The following ANKRD18B variants were observed in gnomAD, a reference collection of about 807,000 sequenced individuals.
The protein encoded by ANKRD18B is ankyrin repeat domain 18B.
Under a neutral mutation model 111.8 loss-of-function variants are expected in ANKRD18B, and 75 were observed. The ratio of observed to expected loss-of-function variants is 0.67; its 90% CI spans 0.56 to 0.81. The LOEUF (loss-of-function observed/expected upper bound fraction) is 0.81. ANKRD18B is among the 40% of genes least tolerant of loss of function. ANKRD18B has a pLI of 0.00. For synonymous variants in ANKRD18B, 356 were observed against 417.3 expected, an observed-to-expected ratio of 0.85 and a Z score of 1.79; for missense variants, 1,038 against 1,225.5, an observed-to-expected ratio of 0.85 and a Z score of 2.28.
intron 15 of ANKRD18B, 104 bp downstream of exon 15, chr9:33,566,604 T>A: frequency 7.3e-7 from 1 of 1,367,146 alleles, no homozygotes; most frequent in Non-Finnish European, 9.8e-7. Context: ...CTGCCTCTCT[T>A]ACGGCAATTT....
chr9:33,552,915 G>A (rs1828467756), intron 12 of ANKRD18B, among the ~76,000 whole-genome samples: 1 of 152,156 alleles, frequency 6.6e-6, no homozygotes, highest in African/African-American at 2.4e-5. Flanking sequence ...ACATCCCAGT[G>A]AAGTAGATGG....
Position 33,548,185 on chromosome 9 carries a change from A to G in ANKRD18B, c.1397A>G (p.Lys466Arg), listed in dbSNP as rs1828389711. Residue 466 changes from lysine to arginine, a missense_variant, in exon 11 of 19, where the codon AAA (lysine) becomes AGA (arginine). Physicochemically the swap from Lys to Arg is conservative, Grantham distance 26 (BLOSUM62 2). Transcript: ENST00000684830. Reference protein sequence around the residue: ...AQYSQQLNDLKAENARLNSKL... With the variant: ...AQYSQQLNDLRAENARLNSKL... Reference sequence around the variant, plus strand: ...TATTCGCAACAGCTTAATGATCTGAAAGCTGAGAATGCAAGGCTGAATTCA... The same window carrying G: ...TATTCGCAACAGCTTAATGATCTGAGAGCTGAGAATGCAAGGCTGAATTCA... The G allele has an allele frequency of 6.5e-7, 1 of 1,548,686 alleles. No homozygotes were observed. The highest frequency in any genetic ancestry group is 8.7e-7 in the Non-Finnish European group (1 of 1,146,118).
At chr9:33,536,507 T>A (rs1472627075) in intron 5 of ANKRD18B, among the ~76,000 whole-genome samples, 1 of 152,220 alleles carries the variant, frequency 6.6e-6, no homozygotes, top group Non-Finnish European at 1.5e-5. Context: ...CCTAGTGAAG[T>A]CAAGTAGTAA....
chr9:33,536,952 C>G lies in ANKRD18B; in HGVS notation c.808+7C>G. 1 of 1,464,042 alleles carries G rather than the reference C, an allele frequency of 6.8e-7. No homozygotes were observed. The highest frequency in any genetic ancestry group is 9.1e-7 in the Non-Finnish European group (1 of 1,097,582). 90.7% of individuals were successfully genotyped at this position (1,464,042 alleles called of 1,614,324 possible). A position where few individuals can be genotyped will look rare whatever the true frequency, so the allele number is the denominator to read the frequency against. The stretch of plus-strand genomic sequence containing the variant: ...CTTCGAAATGACAATCAAGGTAAGA[C>G]TTCTGATAGTAAATTTCTCATTTCC... On this transcript the variant is annotated splice_region_variant and intron_variant, in intron 6 of 18. Transcript: ENST00000684830.
chr9:33,558,859 G>A (rs1197049800), intron 14 of ANKRD18B, among the ~76,000 whole-genome samples: 3 of 152,100 alleles, frequency 2.0e-5, no homozygotes, highest in Admixed American at 2.0e-4. Context: ...GAGCTCTTGA[G>A]AATGCTTCAT....
intron 1 of ANKRD18B, among the ~76,000 whole-genome samples, chr9:33,528,245 G>A (rs1198600940): frequency 2.6e-5 from 4 of 152,242 alleles, no homozygotes; most frequent in Admixed American, 2.0e-4. Flanking sequence ...AGGCTGCAGT[G>A]AGGCATAAAT....
At position 33,567,100 on chromosome 9, in the gene ANKRD18B, T is replaced by A; in HGVS notation, c.2743-3T>A. On this transcript the variant is annotated splice_region_variant and splice_polypyrimidine_tract_variant and intron_variant, in intron 15 of 18. Coordinates refer to ENST00000684830, the MANE Select transcript of ANKRD18B (RefSeq NM_001393611.1). ...AAAAGTGTATTCTTTTCATTTGTTT[T>A]AGAAACAAGCAGAATATGAAAAACA... 2 of 1,520,702 alleles carry A rather than the reference T, an allele frequency of 1.3e-6. No homozygotes were observed. Among genetic ancestry groups the A allele is most frequent in the Non-Finnish European group, 1.8e-6 (2 of 1,135,828 alleles). 94.2% of individuals were successfully genotyped at this position (1,520,702 alleles called of 1,614,324 possible). A position where few individuals can be genotyped will look rare whatever the true frequency, so the allele number is the denominator to read the frequency against.
intron 12 of ANKRD18B, among the ~76,000 whole-genome samples, chr9:33,553,869 G>T (rs1365997475): frequency 3.9e-5 from 6 of 151,984 alleles, no homozygotes; most frequent in African/African-American, 1.5e-4. Flanking sequence ...CCTGAGGTCA[G>T]AAGTACAAGA....
intron 10 of ANKRD18B, among the ~76,000 whole-genome samples, chr9:33,547,681 AGT>A (rs55918212): frequency 0.19 from 27,486 of 145,856 alleles, 2,467 homozygotes; most frequent in Non-Finnish European, 0.2. Context: ...AATTCTCTAG[AGT>A]GTGTGTGTGT....
intron 12 of ANKRD18B, among the ~76,000 whole-genome samples, chr9:33,555,363 A>T (rs1828507174): frequency 6.6e-6 from 1 of 152,224 alleles, no homozygotes. Flanking sequence ...TTAAACTATT[A>T]ATGACAATGT....
chr9:33,537,689 T>G lies in ANKRD18B; in HGVS notation c.808+744T>G, dbSNP rs191241729. Among the ~76,000 whole-genome samples, 17 of 152,312 alleles carry G rather than the reference T, an allele frequency of 1.1e-4. No individual in the cohort carries two copies. In the East Asian group the frequency reaches 3.3e-3, roughly 29 times the overall value. On this transcript the variant is annotated intron_variant, in intron 6 of 18. Coordinates refer to ENST00000684830, the MANE Select transcript of ANKRD18B (RefSeq NM_001393611.1). ...CTTGAATATTGCGGGGGTTAGGGACTCTGATCCCTGTGGAGTTGAAAATCT... is the reference window on the plus strand; with the variant it reads ...CTTGAATATTGCGGGGGTTAGGGACGCTGATCCCTGTGGAGTTGAAAATCT...
chr9:33,544,768 C>T (rs138683640), intron 10 of ANKRD18B, among the ~76,000 whole-genome samples: 1 of 152,128 alleles, frequency 6.6e-6, no homozygotes, highest in African/African-American at 2.4e-5. Context: ...ACATGGGAGG[C>T]AGAGGTTGTG....
intron 12 of ANKRD18B, among the ~76,000 whole-genome samples, chr9:33,551,217 T>C (rs1468130436): frequency 1.3e-5 from 2 of 152,218 alleles, no homozygotes; most frequent in African/African-American, 2.4e-5. Flanking sequence ...GATCCTACCA[T>C]GGGATTTTAA....
Position 33,524,527 on chromosome 9 carries a change from A to G in ANKRD18B, c.38A>G (p.Gln13Arg), listed in dbSNP as rs1441076206. ...KLLSFGRRLG[Q>R]ALLSSMDQEY... is the part of the protein sequence containing the mutation. ...CTCAGTTTTGGGAGACGCCTGGGCCAGGCGCTCCTGAGCTCCATGGACCAA... is the reference window on the plus strand; with the variant it reads ...CTCAGTTTTGGGAGACGCCTGGGCCGGGCGCTCCTGAGCTCCATGGACCAA... The change falls in exon 1 of 19, where the codon CAG (glutamine) becomes CGG (arginine). Residue 13 changes from glutamine (Q) to arginine (R), a missense_variant. By Grantham distance (43) the Gln-to-Arg change is conservative. Transcript: ENST00000684830. 6.4e-7 allele frequency: 1 copy of G among 1,551,058 alleles called. No homozygotes were observed. Among genetic ancestry groups the G allele is most frequent in the Non-Finnish European group, 8.7e-7 (1 of 1,146,772 alleles).
intron 13 of ANKRD18B, 67 bp downstream of exon 13, chr9:33,555,887 C>G: frequency 3.9e-6 from 4 of 1,029,108 alleles, no homozygotes; most frequent in Non-Finnish European, 5.2e-6. Context: ...CTTTACTTGA[C>G]TAAAACTTTG....
intron 16 of ANKRD18B, among the ~76,000 whole-genome samples, 155 bp downstream of exon 16, chr9:33,567,469 C>T (rs1452595222): frequency 6.6e-6 from 1 of 152,138 alleles, no homozygotes. Flanking sequence ...ATAATCCCTC[C>T]TTTAAAATGT....
At chr9:33,536,755 G>A in intron 5 of ANKRD18B, 123 bp from the exon 6 acceptor site, 1 of 593,968 alleles carries the variant, frequency 1.7e-6, no homozygotes, top group South Asian at 2.8e-5. Flanking sequence ...AAAGTGTATT[G>A]GACATTAGAT....
intron 5 of ANKRD18B, among the ~76,000 whole-genome samples, 200 bp downstream of exon 5, chr9:33,534,707 C>T (rs62556630): frequency 0.036 from 5,497 of 152,146 alleles, 132 homozygotes; most frequent in Non-Finnish European, 0.055. Context: ...AGATTCTTTC[C>T]GGACTTTTAA....
chr9:33,529,231 A>T (rs1433646321), intron 3 of ANKRD18B, 58 bp downstream of exon 3: 16 of 1,508,354 alleles, frequency 1.1e-5, no homozygotes, highest in African/African-American at 1.4e-5. Context: ...CATAGGTAAG[A>T]GTCAATTTTT....
Sources: allele counts gnomAD v4.1 joint callset (sites outside exome capture counted in the v4.1 genomes callset), GRCh38; gene constraint gnomAD v4.1.1; transcripts MANE v1.5; gene names NCBI Gene and HGNC (gene_info 2026-07-23, HGNC 2026-07-21).